Variants in ASPM observed in about 807,000 individuals in gnomAD.
ASPM encodes abnormal spindle-like microcephaly-associated protein.
ASPM carries 256 observed loss-of-function variants against 366.4 expected under a neutral mutation model. That is an observed-to-expected ratio of 0.70 (90% CI 0.63 to 0.77). The LOEUF (loss-of-function observed/expected upper bound fraction) is 0.77, where lower values mean the gene tolerates loss of function less well. Among genes scored for constraint, ASPM ranks in the 30% least tolerant of loss-of-function variants. The pLI is 0.00. For missense variants in ASPM, 4,146 were observed against 4,090.4 expected (o/e 1.01, Z -0.37); for synonymous variants, 1,414 against 1,342.9 (o/e 1.05, Z -1.16).
At chr1:197,133,284 A>G (rs1216357610) in intron 6 of ASPM, 66 bp downstream of exon 6, 36 of 1,532,386 alleles carry the variant, frequency 2.3e-5, no homozygotes, top group South Asian at 3.9e-5. Context: ...AAGCCGGGGG[A>G]AAAAAACACA....
At chr1:197,144,462 A>C (rs1231263314) in intron 1 of ASPM, among the ~76,000 whole-genome samples, 19 of 152,220 alleles carry the variant, frequency 1.2e-4, no homozygotes, top group Admixed American at 1.2e-3. Context: ...TGCATTATGA[A>C]GACTTTATTT....
chr1:197,124,968 A>C lies in ASPM; in HGVS notation c.3083-13T>G. 1 of 1,608,428 alleles carries C rather than the reference A, an allele frequency of 6.2e-7. No individual in the cohort carries two copies. Among genetic ancestry groups the C allele is most frequent in the Non-Finnish European group, 8.5e-7 (1 of 1,174,812 alleles). ...AGAATTGTATTTCCTATAAAAGAAAAGGTTGTCCATTAGCATAATGTACGC... is the reference window on the plus strand; with the variant it reads ...AGAATTGTATTTCCTATAAAAGAAACGGTTGTCCATTAGCATAATGTACGC... On this transcript the variant is annotated splice_polypyrimidine_tract_variant and intron_variant, in intron 11 of 27. Coordinates refer to ENST00000367409, the MANE Select transcript of ASPM (RefSeq NM_018136.5).
chr1:197,127,586 C>G (rs1465722490), intron 10 of ASPM, among the ~76,000 whole-genome samples: 2 of 152,130 alleles, frequency 1.3e-5, no homozygotes, highest in African/African-American at 4.8e-5. Context: ...AACCCAGATA[C>G]CCTGAAGAGG....
intron 12 of ASPM, 147 bp from the exon 13 acceptor site, chr1:197,124,478 C>T (rs1011111845): frequency 8.7e-6 from 6 of 691,200 alleles, no homozygotes; most frequent in African/African-American, 7.3e-5. Context: ...AAATAAAGTG[C>T]CTGAAATGGA....
intron 6 of ASPM, 143 bp downstream of exon 6, chr1:197,133,207 C>T: frequency 1.3e-6 from 1 of 764,788 alleles, no homozygotes; most frequent in Non-Finnish European, 2.0e-6. Flanking sequence ...ATAATATATA[C>T]ATATATCAAC....
chr1:197,127,903 T>C (rs1177877397), intron 10 of ASPM, among the ~76,000 whole-genome samples: 3 of 152,148 alleles, frequency 2.0e-5, no homozygotes, highest in Non-Finnish European at 4.4e-5. Context: ...CGGTGGCTCA[T>C]GCCTGTAATC....
At position 197,143,778 on chromosome 1, in the gene ASPM, T is replaced by G; in HGVS notation, c.474A>C (p.Lys158Asn). 1 of 1,611,948 alleles carries G rather than the reference T, an allele frequency of 6.2e-7. No individual in the cohort carries two copies. The highest frequency in any genetic ancestry group is 8.5e-7 in the Non-Finnish European group (1 of 1,179,486). Residue 158 changes from lysine to asparagine, a missense_variant, in exon 3 of 28, where the codon AAA becomes AAC. This residue lies in a region of ASPM where 512 missense variants were observed against 471.7 expected (regional missense o/e 1.09). Transcript: ENST00000367409. ...RSLWDTIKKKKISASTSHNRR... is the reference protein window; with the variant it reads ...RSLWDTIKKKNISASTSHNRR... ...TGTTGTGACTTGTAGAGGCTGAAAT[T>G]TTCTTCTTTTTAATGGTATCCCAAA...
In ASPM at chr1:197,139,808, A is replaced by T; in HGVS notation, c.1985T>A (p.Val662Glu). ...TATGAAGGTCAAACTGGACTGTGCC[A>T]CAGCGATAATGGGTTTTGTCCTTTT... Reference protein sequence around the residue: ...TNKRTKPIIAVAQSSLTFIKP... With the variant: ...TNKRTKPIIAEAQSSLTFIKP... Residue 662 changes from valine (V) to glutamate (E), a missense_variant, in exon 4 of 28, where the codon GTG (valine) becomes GAG (glutamate). Val to Glu is a moderately radical substitution (Grantham distance 121, BLOSUM62 -2). This residue lies in a region of ASPM where 3,624 missense variants were observed against 3,591.7 expected (regional missense o/e 1.01). Transcript: ENST00000367409. 1 of 1,612,472 alleles carries T rather than the reference A, an allele frequency of 6.2e-7. No individual in the cohort carries two copies. Among genetic ancestry groups the T allele is most frequent in the Non-Finnish European group, 8.5e-7 (1 of 1,178,534 alleles).
At chr1:197,094,404 G>A (rs1443969851) in intron 19 of ASPM, among the ~76,000 whole-genome samples, 1 of 151,776 alleles carries the variant, frequency 6.6e-6, no homozygotes, top group East Asian at 1.9e-4. Flanking sequence ...CAGTGGGTAA[G>A]AAATATGAAG....
At chr1:197,099,366 C>T (rs557596467) in intron 18 of ASPM, among the ~76,000 whole-genome samples, 35 of 151,672 alleles carry the variant, frequency 2.3e-4, no homozygotes, top group Non-Finnish European at 4.3e-4. Context: ...TATTGCCAAC[C>T]TGGTCCCATA....
chr1:197,126,498 C>T (rs938587757), intron 10 of ASPM, among the ~76,000 whole-genome samples: 18 of 141,318 alleles, frequency 1.3e-4, no homozygotes, highest in Admixed American at 7.0e-4. Context: ...GGAAAAATAG[C>T]ACTGAACATT....
chr1:197,109,580 C>T (rs1465002802), intron 17 of ASPM, among the ~76,000 whole-genome samples: 1 of 151,980 alleles, frequency 6.6e-6, no homozygotes, highest in East Asian at 1.9e-4. Flanking sequence ...CTTACCACTC[C>T]TATTTAGCAT....
Position 197,143,160 on chromosome 1 carries a change from T to C in ASPM, c.1092A>G (p.Lys364=). ...TTATGAAAGAATCTGGACTTAAAATTTTCTGATAAATTTCATGTGCAATTG... is the reference window on the plus strand; with the variant it reads ...TTATGAAAGAATCTGGACTTAAAATCTTCTGATAAATTTCATGTGCAATTG... The part of the protein sequence containing the change: ...ESTIAHEIYQ[K]ILSPDSFIKD... Residue 364 remains lysine, a synonymous_variant, in exon 3 of 28, where the codon AAA becomes AAG. Transcript: ENST00000367409. 2 of 1,613,500 alleles carry C rather than the reference T, an allele frequency of 1.2e-6. No individual in the cohort carries two copies. The highest frequency in any genetic ancestry group is 1.7e-6 in the Non-Finnish European group (2 of 1,179,606).
At chr1:197,120,003 A>G (rs1201009265) in intron 16 of ASPM, among the ~76,000 whole-genome samples, 1 of 152,138 alleles carries the variant, frequency 6.6e-6, no homozygotes, top group Non-Finnish European at 1.5e-5. Context: ...ACGGAAAGAT[A>G]TAATTGGATG....
rs771960127 is a variant in ASPM at position 197,104,297 on chromosome 1, A to G, written c.4954T>C (p.Tyr1652His). 2 of 1,613,104 alleles carry G rather than the reference A, an allele frequency of 1.2e-6. No homozygotes were observed. The highest frequency in any genetic ancestry group is 4.5e-5 in the East Asian group (2 of 44,824). The change falls in exon 18 of 28, where the codon TAT becomes CAT. Residue 1652 changes from tyrosine to histidine, a missense_variant. This residue lies in a region of ASPM where 3,624 missense variants were observed against 3,591.7 expected (regional missense o/e 1.01). Coordinates refer to ENST00000367409, the MANE Select transcript of ASPM (RefSeq NM_018136.5). Reference sequence around the variant, plus strand: ...ATAACAGATGTGAGGATGTGAATATACATTTTCCTGGCTTGCATCCCTCTA... The same window carrying G: ...ATAACAGATGTGAGGATGTGAATATGCATTTTCCTGGCTTGCATCCCTCTA... ...AYRGMQARKM[Y>H]IHILTSVIKI...
At chr1:197,110,500 A>G (rs911653746) in intron 17 of ASPM, among the ~76,000 whole-genome samples, 1 of 152,092 alleles carries the variant, frequency 6.6e-6, no homozygotes, top group Non-Finnish European at 1.5e-5. Context: ...AGCATAATCC[A>G]TAAAAGAAGA....
chr1:197,092,003 A>C lies in ASPM; in HGVS notation c.9348T>G (p.Tyr3116Ter). The C allele has an allele frequency of 6.2e-7, 1 of 1,612,204 alleles. No individual in the cohort carries two copies. The highest frequency in any genetic ancestry group is 2.2e-5 in the East Asian group (1 of 44,748). ...IRLLHFTAAA[Y>*]YHLNAVRIQR... ...GAATTCTAACAGCATTCAGGTGATA[A>C]TATGCAGCTGCAGTGAAGTGAAGAA... Residue 3116 changes from tyrosine to a stop codon, truncating the protein, a stop_gained, in exon 22 of 28, where the codon TAT becomes TAG. Transcript: ENST00000367409. LOFTEE classifies it high-confidence loss of function.
intron 27 of ASPM, 132 bp from the exon 28 acceptor site, chr1:197,084,558 TG>T (rs1656529906): frequency 4.5e-6 from 3 of 670,928 alleles, no homozygotes; most frequent in Middle Eastern, 3.9e-4. Context: ...CTCAAAGAGG[TG>T]GGAGAACTTC....
rs756012390 is a variant in ASPM, at chr1:197,096,059, C to T, written c.8926G>A (p.Ala2976Thr). ...RCWRAHKEYLAILKAVKIIQG... is the reference protein window; with the variant it reads ...RCWRAHKEYLTILKAVKIIQG... ...ATAATTTTAACAGCTTTTAATATAG[C>T]TAGATATTCTTTGTGTGCTCTCCAA... Residue 2976 changes from alanine to threonine, a missense_variant, in exon 19 of 28, where the codon GCT becomes ACT. By Grantham distance (58) the Ala-to-Thr change is moderately conservative. Transcript: ENST00000367409. 9.3e-6 allele frequency: 15 copies of T among 1,608,902 alleles called. No individual in the cohort carries two copies. Among genetic ancestry groups the T allele is most frequent in the Non-Finnish European group, 1.2e-5 (14 of 1,176,162 alleles).
Sources: gnomAD v4.1 joint callset for allele counts (sites outside exome capture counted in the v4.1 genomes callset) on GRCh38, gnomAD v4.1.1 for gene constraint, gnomAD v4.1.1 regional missense constraint, MANE v1.5 for transcripts, NCBI Gene and HGNC (gene_info 2026-07-23, HGNC 2026-07-21) for gene names.